SCHIP1: variants seen among roughly 807,000 people sequenced by gnomAD.
SCHIP1 encodes the protein schwannomin interacting protein 1, also known as schwannomin-interacting protein 1.
A neutral mutation model predicts 29.7 loss-of-function variants in SCHIP1; 8 were observed. That is an observed-to-expected ratio of 0.27 (90% CI 0.16 to 0.49). SCHIP1 has a LOEUF of 0.49. Ranked by LOEUF, SCHIP1 falls within the 20% of genes least tolerant of loss-of-function variation. The pLI, the probability that SCHIP1 is intolerant of heterozygous loss-of-function variation, is 0.99. For missense variants in SCHIP1, 193 were observed against 294.6 expected (o/e 0.66, Z 2.52); for synonymous variants, 76 against 94.9 (o/e 0.80, Z 1.16).
At chr3:159,854,960 C>T (rs1284743273) in intron 1 of SCHIP1, among the ~76,000 whole-genome samples, 1 of 152,178 alleles carries the variant, frequency 6.6e-6, no homozygotes. Context: ...CAGACATGTA[C>T]GGCTCAAGGA....
At chr3:159,573,619 G>C in the SCHIP1 span, among the ~76,000 whole-genome samples, 1 of 152,116 alleles carries the variant, frequency 6.6e-6, no homozygotes, top group Non-Finnish European at 1.5e-5. Flanking sequence ...ATATCTTTGT[G>C]GCATTCTCTG....
the SCHIP1 span, among the ~76,000 whole-genome samples, chr3:159,307,555 A>C: frequency 6.6e-6 from 1 of 152,158 alleles, no homozygotes; most frequent in Non-Finnish European, 1.5e-5. Context: ...TTTGCTGTGC[A>C]AAAGCTCTTT....
At chr3:159,392,023 C>CT in the SCHIP1 span, among the ~76,000 whole-genome samples, 37 of 152,248 alleles carry the variant, frequency 2.4e-4, no homozygotes, top group South Asian at 6.2e-4. Flanking sequence ...GGTCTTTTGG[C>CT]TTTTTTTCCT....
chr3:159,653,021 A>T, the SCHIP1 span, among the ~76,000 whole-genome samples: 1 of 152,204 alleles, frequency 6.6e-6, no homozygotes, highest in African/African-American at 2.4e-5. Flanking sequence ...AGGTATGGCG[A>T]AGGAGGGGAT....
chr3:159,437,032 C>T, the SCHIP1 span, among the ~76,000 whole-genome samples: 24,697 of 151,986 alleles, frequency 0.16, 2,412 homozygotes, highest in South Asian at 0.37. Flanking sequence ...AAATATTGTT[C>T]ATCCTTTCCA....
At chr3:159,864,983 G>A (rs1714464822) in intron 1 of SCHIP1, among the ~76,000 whole-genome samples, 1 of 152,124 alleles carries the variant, frequency 6.6e-6, no homozygotes, top group South Asian at 2.1e-4. Flanking sequence ...TTAACCTATT[G>A]TATACTGTCC....
At chr3:159,589,369 G>A in the SCHIP1 span, among the ~76,000 whole-genome samples, 12 of 152,152 alleles carry the variant, frequency 7.9e-5, no homozygotes, top group African/African-American at 2.2e-4. Flanking sequence ...GGGCTGAGAC[G>A]ATGGGGTTTT....
At chr3:159,406,402 A>T in the SCHIP1 span, among the ~76,000 whole-genome samples, 2 of 152,194 alleles carry the variant, frequency 1.3e-5, no homozygotes, top group Non-Finnish European at 2.9e-5. Flanking sequence ...TTCTTCAAAC[A>T]TCAAGGAGAA....
At chr3:159,300,434 C>T in the SCHIP1 span, among the ~76,000 whole-genome samples, 1 of 152,068 alleles carries the variant, frequency 6.6e-6, no homozygotes, top group Non-Finnish European at 1.5e-5. Flanking sequence ...AAGGAGAATG[C>T]CTGCTACGTT....
At chr3:159,784,713 G>C in the SCHIP1 span, among the ~76,000 whole-genome samples, 1 of 152,240 alleles carries the variant, frequency 6.6e-6, no homozygotes, top group Non-Finnish European at 1.5e-5. Context: ...GAGTGCAGTG[G>C]TGCCATCTCA....
In SCHIP1 at chr3:159,866,151, T is replaced by C; in HGVS notation, c.31-12T>C. 1 of 1,612,248 alleles carries C rather than the reference T, an allele frequency of 6.2e-7. No individual in the cohort carries two copies. Among genetic ancestry groups the C allele is most frequent in the Non-Finnish European group, 8.5e-7 (1 of 1,179,060 alleles). On this transcript the variant is annotated splice_polypyrimidine_tract_variant and intron_variant, in intron 1 of 6. Coordinates refer to ENST00000445224, the Ensembl canonical transcript of SCHIP1. ...CCACTTATCAGCATTTTTTATTTTCTTGAAATTTTAGGCACAGAAAAATGA... is the reference window on the plus strand; with the variant it reads ...CCACTTATCAGCATTTTTTATTTTCCTGAAATTTTAGGCACAGAAAAATGA...
the SCHIP1 span, among the ~76,000 whole-genome samples, chr3:159,744,147 A>C: frequency 2.0e-5 from 3 of 152,214 alleles, no homozygotes; most frequent in Non-Finnish European, 4.4e-5. Context: ...AAATATTCTG[A>C]CTTAAAGTGG....
the SCHIP1 span, among the ~76,000 whole-genome samples, chr3:159,824,736 G>T: frequency 6.6e-6 from 1 of 152,198 alleles, no homozygotes; most frequent in Non-Finnish European, 1.5e-5. Context: ...ACAGCATTTG[G>T]ATTGGAGAGA....
At chr3:159,533,535 G>A in the SCHIP1 span, among the ~76,000 whole-genome samples, 1 of 152,250 alleles carries the variant, frequency 6.6e-6, no homozygotes, top group South Asian at 2.1e-4. Context: ...ATTAAGGGAA[G>A]CTTTTCAAAT....
chr3:159,507,589 T>C, the SCHIP1 span, among the ~76,000 whole-genome samples: 1 of 152,184 alleles, frequency 6.6e-6, no homozygotes, highest in East Asian at 1.9e-4. Context: ...TTCAGTATGA[T>C]ATTGGCTGTG....
At chr3:159,883,763 A>G (rs1276051417) in intron 2 of SCHIP1, among the ~76,000 whole-genome samples, 2 of 152,146 alleles carry the variant, frequency 1.3e-5, no homozygotes, top group Non-Finnish European at 2.9e-5. Flanking sequence ...TCAGTTTCCT[A>G]TGGGGATAAT....
At chr3:159,306,660 C>A in the SCHIP1 span, 1 of 439,188 alleles carries the variant, frequency 2.3e-6, no homozygotes, top group Non-Finnish European at 3.0e-6. Context: ...GGATCTGGTT[C>A]AAATTTTGAC....
the SCHIP1 span, among the ~76,000 whole-genome samples, chr3:159,650,319 T>G: frequency 6.6e-6 from 1 of 152,220 alleles, no homozygotes; most frequent in Non-Finnish European, 1.5e-5. Flanking sequence ...ATTAATTTAC[T>G]TGTGCTAATT....
the SCHIP1 span, among the ~76,000 whole-genome samples, chr3:159,404,325 G>A: frequency 5.0e-3 from 757 of 152,226 alleles, 8 homozygotes; most frequent in African/African-American, 0.017. Flanking sequence ...AGGACCAAGT[G>A]GACTCTTGGG....
Sources: allele counts gnomAD v4.1 joint callset (sites outside exome capture counted in the v4.1 genomes callset), GRCh38; gene constraint gnomAD v4.1.1; transcripts MANE v1.5; gene names NCBI Gene and HGNC (gene_info 2026-07-23, HGNC 2026-07-21).